The following CREBBP variants were observed in gnomAD, a reference collection of about 807,000 sequenced individuals.
CREBBP encodes the protein CREB-binding protein.
Under a neutral mutation model 265.0 loss-of-function variants are expected in CREBBP, and 19 were observed. The observed-to-expected ratio is 0.07, with a 90% CI of 0.05 to 0.11. The LOEUF (loss-of-function observed/expected upper bound fraction) is 0.11, where lower values mean the gene tolerates loss of function less well. Among genes scored for constraint, CREBBP ranks in the 10% least tolerant of loss-of-function variants. The pLI, the probability that CREBBP is intolerant of heterozygous loss-of-function variation, is 1.00. For missense variants in CREBBP, 2,525 were observed against 3,219.0 expected, an observed-to-expected ratio of 0.78 and a Z score of 5.22; for synonymous variants, 1,457 against 1,223.7, an observed-to-expected ratio of 1.19 and a Z score of -3.98.
intron 2 of CREBBP, among the ~76,000 whole-genome samples, chr16:3,835,936 A>T (rs1395158631): frequency 6.6e-6 from 1 of 152,042 alleles, no homozygotes; most frequent in South Asian, 2.1e-4. Context: ...CATTAATGGG[A>T]GAACGGACAA....
At position 3,731,668 on chromosome 16, in the gene CREBBP, C is replaced by A. The variant is rs868833181; in HGVS notation, c.4890+108G>T. 6.6e-7 allele frequency: 1 copy of A among 1,519,932 alleles called. No individual in the cohort carries two copies. Among genetic ancestry groups the A allele is most frequent in the Non-Finnish European group, 9.1e-7 (1 of 1,098,808 alleles). The allele number at this position is 1,519,932 out of a possible 1,614,324, so 94.2% of individuals were successfully genotyped here. A position where few individuals can be genotyped will look rare whatever the true frequency, so the allele number is the denominator to read the frequency against. On this transcript the variant is annotated intron_variant, in intron 29 of 30. Transcript: ENST00000262367. This position sits in a 1 kb window ranked among gnomAD's most constrained non-coding sequence, Gnocchi z 7.7. ...ACTGGTCCACTTGGTTTCCTGGGGGCCACTTCCCTCCCACCACAGACCTGC... is the reference window on the plus strand; with the variant it reads ...ACTGGTCCACTTGGTTTCCTGGGGGACACTTCCCTCCCACCACAGACCTGC...
At chr16:3,730,512 CTG>C in intron 30 of CREBBP, 1 of 158,844 alleles carries the variant, frequency 6.3e-6, no homozygotes, top group East Asian at 1.9e-4. Flanking sequence ...GGTACCATGA[CTG>C]TGTTCACAAA....
At chr16:3,797,968 T>C (rs1486954419) in intron 3 of CREBBP, among the ~76,000 whole-genome samples, 22 of 152,192 alleles carry the variant, frequency 1.4e-4, no homozygotes, top group Non-Finnish European at 1.3e-4. Flanking sequence ...GAAAGGATAC[T>C]ATCCCACTAA....
In CREBBP at chr16:3,729,590, G is replaced by A. The variant is rs2151310631; in HGVS notation, c.5457C>T (p.Cys1819=). Residue 1819 remains cysteine, a synonymous_variant, in exon 31 of 31, where the codon TGC becomes TGT. Transcript: ENST00000262367. The part of the protein sequence containing the change: ...KRKTNGGCPV[C]KQLIALCCYH... ...AGCAGCAGAGGGCGATGAGCTGCTT[G>A]CACACCGGGCAGCCCCCGTTGGTCT... The A allele has an allele frequency of 6.2e-7, 1 of 1,614,192 alleles. No individual in the cohort carries two copies. The highest frequency in any genetic ancestry group is 8.5e-7 in the Non-Finnish European group (1 of 1,180,024).
At chr16:3,750,469 T>G (rs1028897222) in intron 20 of CREBBP, among the ~76,000 whole-genome samples, 1 of 152,194 alleles carries the variant, frequency 6.6e-6, no homozygotes, top group African/African-American at 2.4e-5. Flanking sequence ...ACTGGGGAAC[T>G]CAGTCTGACG....
At chr16:3,868,465 C>G (rs1055007130) in intron 1 of CREBBP, among the ~76,000 whole-genome samples, 5 of 128,842 alleles carry the variant, frequency 3.9e-5, no homozygotes, top group African/African-American at 1.3e-4. Context: ...ATCTAGACTT[C>G]TGGAAAATAA....
chr16:3,812,773 C>T (rs1046081776), intron 2 of CREBBP, among the ~76,000 whole-genome samples: 4 of 152,120 alleles, frequency 2.6e-5, no homozygotes, highest in Non-Finnish European at 4.4e-5. Flanking sequence ...CCTGTCTTTG[C>T]TTTTTTGCAA....
intron 17 of CREBBP, among the ~76,000 whole-genome samples, chr16:3,758,446 C>CA (rs2052636857): frequency 6.6e-6 from 1 of 152,170 alleles, no homozygotes; most frequent in Non-Finnish European, 1.5e-5. Flanking sequence ...CAAATATAAA[C>CA]ACAAAGCTAG....
At chr16:3,851,876 AAAAGACAAAAC>A (rs1460326422) in intron 1 of CREBBP, among the ~76,000 whole-genome samples, 7 of 139,246 alleles carry the variant, frequency 5.0e-5, no homozygotes, top group Admixed American at 7.1e-5. Context: ...AAAAAAAAAA[AAAAGACAAAAC>A]ATTAGCCGGG....
chr16:3,789,620 A>C (rs1292925663), intron 5 of CREBBP, among the ~76,000 whole-genome samples: 1 of 152,200 alleles, frequency 6.6e-6, no homozygotes, highest in African/African-American at 2.4e-5. Context: ...GAGTTCACAC[A>C]CGATAAGCAT....
At chr16:3,875,338 A>G (rs1426246170) in intron 1 of CREBBP, among the ~76,000 whole-genome samples, 1 of 152,174 alleles carries the variant, frequency 6.6e-6, no homozygotes, top group African/African-American at 2.4e-5. Context: ...ACGGTCATGA[A>G]ATGTCCTAGT....
intron 2 of CREBBP, among the ~76,000 whole-genome samples, chr16:3,832,912 T>C (rs967583672): frequency 1.3e-5 from 2 of 151,882 alleles, no homozygotes; most frequent in Non-Finnish European, 2.9e-5. Context: ...AAACACCCTA[T>C]GATTCATCTC....
rs2141492779 is a variant in CREBBP, at chr16:3,850,583, G to C, written c.512C>G (p.Thr171Ser). The change falls in exon 2 of 31, where the codon ACT becomes AGT. Residue 171 changes from threonine (T) to serine (S), a missense_variant. Transcript: ENST00000262367. ...AGCATTCATGCAGATACCAGGTCCA[G>C]TCTGTGACGTGGCAGGGCTGCTAGT... ...LATSSPATSQTGPGICMNANF... is the reference protein window; with the variant it reads ...LATSSPATSQSGPGICMNANF... 1 of 1,614,264 alleles carries C rather than the reference G, an allele frequency of 6.2e-7. No homozygotes were observed. Among genetic ancestry groups the C allele is most frequent in the African/African-American group, 1.3e-5 (1 of 75,062 alleles).
chr16:3,729,102 G>A lies in CREBBP; in HGVS notation c.5945C>T (p.Pro1982Leu), dbSNP rs2151307132. The A allele has an allele frequency of 1.3e-6, 2 of 1,584,384 alleles. No individual in the cohort carries two copies. Among genetic ancestry groups the A allele is most frequent in the Non-Finnish European group, 1.7e-6 (2 of 1,171,154 alleles). ...LYRVNINNSM[P>L]PGRTGMGTPG... is the part of the protein sequence containing the mutation. ...GGTCCCCATGCCCGTGCGTCCTGGGGGCATGCTGTTGTTGATGTTCACCCG... is the reference window on the plus strand; with the variant it reads ...GGTCCCCATGCCCGTGCGTCCTGGGAGCATGCTGTTGTTGATGTTCACCCG... Residue 1982 changes from proline (P) to leucine (L), a missense_variant, in exon 31 of 31, where the codon CCC (proline) becomes CTC (leucine). Physicochemically the swap from Pro to Leu is moderately conservative, Grantham distance 98. Transcript: ENST00000262367.
At chr16:3,798,256 C>T (rs970509359) in intron 3 of CREBBP, among the ~76,000 whole-genome samples, 2 of 152,192 alleles carry the variant, frequency 1.3e-5, no homozygotes, top group East Asian at 1.9e-4. Context: ...TAAATCTTCA[C>T]GACCTTGGAT....
intron 2 of CREBBP, among the ~76,000 whole-genome samples, chr16:3,816,612 G>A (rs1280282365): frequency 2.0e-5 from 3 of 152,190 alleles, no homozygotes; most frequent in Non-Finnish European, 4.4e-5. Context: ...CAACAAAGAG[G>A]AGGGAAAAGG....
intron 2 of CREBBP, among the ~76,000 whole-genome samples, chr16:3,832,222 C>A (rs1380117887): frequency 6.6e-6 from 1 of 152,080 alleles, no homozygotes; most frequent in Non-Finnish European, 1.5e-5. Flanking sequence ...AAACTCCAGA[C>A]CTGGATCGCT....
intron 26 of CREBBP, among the ~76,000 whole-genome samples, chr16:3,737,301 A>G (rs2052087165): frequency 6.6e-6 from 1 of 152,244 alleles, no homozygotes; most frequent in African/African-American, 2.4e-5. Context: ...GGGCTAGAGA[A>G]GGAAGCCAGA....
chr16:3,769,449 T>C (rs1231746245), intron 14 of CREBBP, 96 bp from the exon 15 acceptor site: 3 of 1,451,326 alleles, frequency 2.1e-6, no homozygotes, highest in South Asian at 1.2e-5. Context: ...CCCATTAACA[T>C]TTCTCAATAC....
Sources: gnomAD v4.1 joint callset for allele counts (sites outside exome capture counted in the v4.1 genomes callset) on GRCh38, gnomAD v4.1.1 for gene constraint, Gnocchi (gnomAD v3.1) non-coding constraint, MANE v1.5 for transcripts, NCBI Gene and HGNC (gene_info 2026-07-23, HGNC 2026-07-21) for gene names.